TSPAN15: variants seen among roughly 807,000 people sequenced by gnomAD.
TSPAN15 encodes tetraspanin-15.
A neutral mutation model predicts 34.5 loss-of-function variants in TSPAN15; 20 were observed. That is an observed-to-expected ratio of 0.58 (90% CI 0.41 to 0.84). The LOEUF (loss-of-function observed/expected upper bound fraction) is 0.84, where lower values mean the gene tolerates loss of function less well. Among genes scored for constraint, TSPAN15 ranks in the 40% least tolerant of loss-of-function variants. The pLI is 0.00. For missense variants in TSPAN15, 313 were observed against 386.1 expected, an observed-to-expected ratio of 0.81 and a Z score of 1.59; for synonymous variants, 155 against 153.9, an observed-to-expected ratio of 1.01 and a Z score of -0.05.
At chr10:69,462,366 G>C (rs1452033179) in intron 1 of TSPAN15, among the ~76,000 whole-genome samples, 2 of 151,610 alleles carry the variant, frequency 1.3e-5, no homozygotes, top group African/African-American at 4.9e-5. Context: ...ACGGAGTCTT[G>C]CTCTGTCGCC....
At chr10:69,512,197 C>T (rs1191626448), downstream of TSPAN15, among the ~76,000 whole-genome samples, 1 of 152,172 alleles carries the variant, frequency 6.6e-6, no homozygotes, top group Non-Finnish European at 1.5e-5. Context: ...CAATGAATGA[C>T]ATTATCTTGG....
At chr10:69,528,930 A>T in the TSPAN15 span, among the ~76,000 whole-genome samples, 1 of 148,058 alleles carries the variant, frequency 6.8e-6, no homozygotes, top group African/African-American at 2.5e-5. Context: ...AGGCACCACA[A>T]GTTCCCACTC....
chr10:69,539,511 G>C, the TSPAN15 span, among the ~76,000 whole-genome samples: 2 of 96,686 alleles, frequency 2.1e-5, no homozygotes, highest in Non-Finnish European at 4.4e-5. Flanking sequence ...AGAAGAAGAA[G>C]AAGAAGAAGA....
chr10:69,451,619 G>C lies in TSPAN15; in HGVS notation c.25G>C (p.Val9Leu). 1 of 1,527,856 alleles carries C rather than the reference G, an allele frequency of 6.5e-7. No homozygotes were observed. The highest frequency in any genetic ancestry group is 8.8e-7 in the Non-Finnish European group (1 of 1,135,184). The allele number at this position is 1,527,856 out of a possible 1,614,324, so 94.6% of individuals were successfully genotyped here. A position where few individuals can be genotyped will look rare whatever the true frequency, so the allele number is the denominator to read the frequency against. MPRGDSEQVRYCARFSYLW... is the reference protein window; with the variant it reads MPRGDSEQLRYCARFSYLW... ...GATGCCGCGCGGGGACTCGGAGCAG[G>C]TGCGCTACTGCGCGCGCTTCTCCTA... Residue 9 changes from valine (V) to leucine (L), a missense_variant, in exon 1 of 8, where the codon GTG becomes CTG. Transcript: ENST00000373290.
intron 1 of TSPAN15, among the ~76,000 whole-genome samples, chr10:69,462,836 G>A (rs1484262021): frequency 1.3e-5 from 2 of 152,228 alleles, no homozygotes; most frequent in Non-Finnish European, 2.9e-5. Context: ...GCTGGGGAAA[G>A]TTAGCAAACA....
At chr10:69,531,736 A>C in the TSPAN15 span, among the ~76,000 whole-genome samples, 1 of 152,230 alleles carries the variant, frequency 6.6e-6, no homozygotes, top group East Asian at 1.9e-4. Context: ...ATAGCACATA[A>C]ACAGAATTAA....
Position 69,476,598 on chromosome 10 carries a change from G to T in TSPAN15, c.97-7093G>T, listed in dbSNP as rs145261712. Among the ~76,000 whole-genome samples, 6 of 151,800 alleles carry T rather than the reference G, an allele frequency of 4.0e-5. No individual in the cohort carries two copies. The East Asian group carries it at 1.2e-3, about 29-fold the overall frequency. On this transcript the variant is annotated intron_variant, in intron 1 of 7. Transcript: ENST00000373290. ...AAAAAAAAAGTAACAAAAGCAGGCTGTGTCAGAGAATGTCAGGGACTGAGG... is the reference window on the plus strand; with the variant it reads ...AAAAAAAAAGTAACAAAAGCAGGCTTTGTCAGAGAATGTCAGGGACTGAGG...
the TSPAN15 span, among the ~76,000 whole-genome samples, chr10:69,517,133 C>T: frequency 2.2e-4 from 33 of 152,278 alleles, no homozygotes; most frequent in Middle Eastern, 6.8e-3. Flanking sequence ...GCCAGGTGTA[C>T]GGGTGCCCTT....
At chr10:69,536,795 A>G in the TSPAN15 span, among the ~76,000 whole-genome samples, 1 of 151,900 alleles carries the variant, frequency 6.6e-6, no homozygotes, top group South Asian at 2.1e-4. Flanking sequence ...GACCAGCCTG[A>G]CCAACACGGC....
Position 69,507,041 on chromosome 10 carries a change from C to T in TSPAN15, c.*63C>T, listed in dbSNP as rs1257558496. 44 of 1,574,098 alleles carry T rather than the reference C, an allele frequency of 2.8e-5. 1 individual carries two copies. The highest frequency in any genetic ancestry group is 4.6e-5 in the East Asian group (2 of 43,368). On this transcript the variant is annotated 3_prime_UTR_variant, in exon 8 of 8. Coordinates refer to ENST00000373290, the MANE Select transcript of TSPAN15 (RefSeq NM_012339.5). ...TGGGATAGCACCTCTCAGTCAACAT[C>T]GTGGGGCTGGACAGGGCTGCGGCCC...
At chr10:69,519,721 C>T in the TSPAN15 span, among the ~76,000 whole-genome samples, 3 of 151,752 alleles carry the variant, frequency 2.0e-5, no homozygotes, top group Non-Finnish European at 4.4e-5. Context: ...TAATACATAA[C>T]ATAAAATTTA....
chr10:69,537,391 C>T, the TSPAN15 span, among the ~76,000 whole-genome samples: 80 of 152,246 alleles, frequency 5.3e-4, no homozygotes, highest in African/African-American at 1.5e-3. Flanking sequence ...AGTGAAATAT[C>T]GTAAGTCAGG....
At chr10:69,454,021 G>A (rs1166579883) in intron 1 of TSPAN15, among the ~76,000 whole-genome samples, 1 of 152,202 alleles carries the variant, frequency 6.6e-6, no homozygotes, top group Non-Finnish European at 1.5e-5. Flanking sequence ...TCCTGGACCA[G>A]GTTTACTGTT....
At chr10:69,503,339 A>G (rs1174420876) in intron 5 of TSPAN15, among the ~76,000 whole-genome samples, 1 of 152,168 alleles carries the variant, frequency 6.6e-6, no homozygotes, top group East Asian at 1.9e-4. Context: ...ATTGTGAACA[A>G]ATCACGCCAG....
At chr10:69,498,686 A>G (rs1248191418) in intron 5 of TSPAN15, among the ~76,000 whole-genome samples, 2 of 152,208 alleles carry the variant, frequency 1.3e-5, no homozygotes, top group Non-Finnish European at 2.9e-5. Flanking sequence ...TTACTCATTT[A>G]GTATTCACGA....
At chr10:69,452,971 G>A (rs552080569) in intron 1 of TSPAN15, among the ~76,000 whole-genome samples, 23 of 152,210 alleles carry the variant, frequency 1.5e-4, no homozygotes, top group Non-Finnish European at 3.4e-4. Flanking sequence ...CCTGGTAATC[G>A]GAGATCCAGA....
chr10:69,537,567 C>T, the TSPAN15 span, among the ~76,000 whole-genome samples: 1 of 152,256 alleles, frequency 6.6e-6, no homozygotes, highest in South Asian at 2.1e-4. Context: ...AGCAGAAATC[C>T]ATAATCTTCA....
the TSPAN15 span, among the ~76,000 whole-genome samples, chr10:69,531,502 G>A: frequency 6.6e-6 from 1 of 152,160 alleles, no homozygotes; most frequent in Admixed American, 6.5e-5. Context: ...AGGAGGCTGA[G>A]GTGGGAGGAT....
chr10:69,523,456 A>G, the TSPAN15 span: 1 of 550,504 alleles, frequency 1.8e-6, no homozygotes, highest in Non-Finnish European at 3.4e-6. Flanking sequence ...CCTGGCCCAA[A>G]GGGGCTTTCT....
Sources: gnomAD v4.1 joint callset for allele counts (sites outside exome capture counted in the v4.1 genomes callset) on GRCh38, gnomAD v4.1.1 for gene constraint, MANE v1.5 for transcripts, NCBI Gene and HGNC (gene_info 2026-07-23, HGNC 2026-07-21) for gene names.